ANO3: variants seen among roughly 807,000 people sequenced by gnomAD.
ANO3 encodes anoctamin-3.
ANO3 carries 99 observed loss-of-function variants against 144.8 expected under a neutral mutation model. The ratio of observed to expected loss-of-function variants is 0.68; its 90% CI spans 0.58 to 0.81. The LOEUF (loss-of-function observed/expected upper bound fraction) is 0.81, where lower values mean the gene tolerates loss of function less well. Ranked by LOEUF, ANO3 falls within the 30% of genes least tolerant of loss-of-function variation. ANO3 has a pLI of 0.00. For synonymous variants in ANO3, 414 were observed against 392.6 expected (o/e 1.05, Z -0.64); for missense variants, 905 against 1,202.2 (o/e 0.75, Z 3.66).
intron 1 of ANO3, among the ~76,000 whole-genome samples, chr11:26,425,566 A>G (rs544083133): frequency 4.4e-4 from 67 of 152,216 alleles, no homozygotes; most frequent in African/African-American, 1.4e-3. Flanking sequence ...TTTCATTTTT[A>G]TTCCTGCTCA....
intron 1 of ANO3, among the ~76,000 whole-genome samples, chr11:26,302,790 T>C (rs1854267159): frequency 6.6e-6 from 1 of 152,188 alleles, no homozygotes; most frequent in Non-Finnish European, 1.5e-5. Flanking sequence ...TTAGAAATTA[T>C]GATGCTATCA....
chr11:26,540,239 C>T (rs1327438486), intron 10 of ANO3, among the ~76,000 whole-genome samples: 2 of 152,110 alleles, frequency 1.3e-5, no homozygotes, highest in African/African-American at 4.8e-5. Context: ...AAAAATCTGA[C>T]TAGCCAGCTT....
chr11:26,324,036 G>A (rs958795474), intron 1 of ANO3, among the ~76,000 whole-genome samples: 1 of 152,130 alleles, frequency 6.6e-6, no homozygotes, highest in Admixed American at 6.6e-5. Flanking sequence ...CAAGGTTTAT[G>A]TTTATCTGAT....
At chr11:26,442,580 A>C (rs550853048) in intron 2 of ANO3, among the ~76,000 whole-genome samples, 2 of 152,358 alleles carry the variant, frequency 1.3e-5, no homozygotes, top group East Asian at 3.9e-4. Flanking sequence ...GCTGGTGTGC[A>C]AGGGCTGAAT....
At chr11:26,195,268 T>C (rs12286320) in intron 1 of ANO3, among the ~76,000 whole-genome samples, 1,599 of 152,270 alleles carry the variant, frequency 0.011, 23 homozygotes, top group African/African-American at 0.037. Flanking sequence ...GCTTTAAGTA[T>C]TAGCAACATG....
chr11:26,516,092 T>C (rs1332021621), intron 5 of ANO3, among the ~76,000 whole-genome samples: 4 of 151,904 alleles, frequency 2.6e-5, no homozygotes, highest in Non-Finnish European at 1.5e-5. Context: ...TATCAGATTC[T>C]CTGAGTATAG....
intron 17 of ANO3, among the ~76,000 whole-genome samples, chr11:26,604,361 G>C (rs938367413): frequency 6.6e-6 from 1 of 152,042 alleles, no homozygotes; most frequent in African/African-American, 2.4e-5. Flanking sequence ...CTCCAGCTTT[G>C]TTCTTTTTGT....
At chr11:26,417,122 C>T (rs1857612599) in intron 1 of ANO3, among the ~76,000 whole-genome samples, 1 of 151,932 alleles carries the variant, frequency 6.6e-6, no homozygotes, top group Non-Finnish European at 1.5e-5. Context: ...ACTCTTGTTC[C>T]CATGATTCTA....
chr11:26,371,249 G>A lies in ANO3; in HGVS notation c.46+38928G>A, dbSNP rs191826915. Among the ~76,000 whole-genome samples the A allele has an allele frequency of 2.4e-3, 366 of 152,338 alleles. 1 individual carries two copies. Among genetic ancestry groups the A allele is most frequent in the African/African-American group, 8.1e-3 (337 of 41,586 alleles). On this transcript the variant is annotated intron_variant, in intron 1 of 26. Coordinates refer to ENST00000256737, the MANE Select transcript of ANO3 (RefSeq NM_031418.4). Reference sequence around the variant, plus strand: ...TGAGCCATTGCTTCAGAGTGTGCAAGCCCCAAGCCTTGGCAGCTGCCACAT... The same window carrying A: ...TGAGCCATTGCTTCAGAGTGTGCAAACCCCAAGCCTTGGCAGCTGCCACAT...
chr11:26,327,290 G>A (rs1479321341), upstream of ANO3, among the ~76,000 whole-genome samples: 5 of 152,110 alleles, frequency 3.3e-5, no homozygotes, highest in African/African-American at 4.8e-5. Context: ...AAAAGTATGC[G>A]CCTACTTTCA....
chr11:26,629,586 C>G (rs1451457831), intron 18 of ANO3, among the ~76,000 whole-genome samples: 1 of 152,156 alleles, frequency 6.6e-6, no homozygotes, highest in East Asian at 1.9e-4. Context: ...GACCATTAGA[C>G]TATCAAGATG....
chr11:26,447,840 G>A (rs1190874633), intron 3 of ANO3, among the ~76,000 whole-genome samples: 1 of 152,116 alleles, frequency 6.6e-6, no homozygotes, highest in African/African-American at 2.4e-5. Context: ...TCCTGGTGTG[G>A]CAATAATTTT....
intron 9 of ANO3, 121 bp from the exon 10 acceptor site, chr11:26,537,285 A>G (rs1294113287): frequency 2.6e-6 from 2 of 763,942 alleles, no homozygotes; most frequent in Non-Finnish European, 4.6e-6. Context: ...GTGGCTATGG[A>G]AGTCATTTGG....
intron 1 of ANO3, among the ~76,000 whole-genome samples, chr11:26,289,232 A>G (rs1853879220): frequency 6.6e-6 from 1 of 152,002 alleles, no homozygotes; most frequent in South Asian, 2.1e-4. Flanking sequence ...TGAAATCAGC[A>G]GACTTGGATT....
intron 14 of ANO3, among the ~76,000 whole-genome samples, chr11:26,597,628 T>G (rs1851674023): frequency 6.6e-6 from 1 of 151,774 alleles, no homozygotes; most frequent in Non-Finnish European, 1.5e-5. Context: ...TTTAATAGAG[T>G]GAAAACAGAG....
chr11:26,507,587 A>G (rs940337338), intron 4 of ANO3, among the ~76,000 whole-genome samples: 1 of 152,214 alleles, frequency 6.6e-6, no homozygotes, highest in Non-Finnish European at 1.5e-5. Flanking sequence ...ATTGAGTACT[A>G]TGTAACACAA....
chr11:26,635,120 AG>A, intron 20 of ANO3, 50 bp downstream of exon 20: 2 of 1,515,474 alleles, frequency 1.3e-6, no homozygotes, highest in Non-Finnish European at 1.8e-6. Context: ...GATATGGGCC[AG>A]TTACTGCGGG....
intron 4 of ANO3, among the ~76,000 whole-genome samples, chr11:26,493,228 T>G (rs1860784994): frequency 6.6e-6 from 1 of 152,066 alleles, no homozygotes; most frequent in Admixed American, 6.5e-5. Context: ...GTACATTAGG[T>G]GTGTGTTTTT....
intron 4 of ANO3, among the ~76,000 whole-genome samples, chr11:26,464,854 T>C (rs1859540175): frequency 6.6e-6 from 1 of 151,830 alleles, no homozygotes; most frequent in Non-Finnish European, 1.5e-5. Flanking sequence ...TTAAAATGTG[T>C]CCACTTTTAT....
Sources: gnomAD v4.1 joint callset for allele counts (sites outside exome capture counted in the v4.1 genomes callset) on GRCh38, gnomAD v4.1.1 for gene constraint, MANE v1.5 for transcripts, NCBI Gene and HGNC (gene_info 2026-07-23, HGNC 2026-07-21) for gene names.